CCL24: variants seen among roughly 807,000 people sequenced by gnomAD.
CCL24 encodes C-C motif chemokine ligand 24.
CCL24 carries 6 observed loss-of-function variants against 8.6 expected under a neutral mutation model. The observed-to-expected ratio is 0.70, with a 90% CI of 0.38 to 1.38. The LOEUF (loss-of-function observed/expected upper bound fraction) is 1.38, where lower values mean the gene tolerates loss of function less well. Ranked by LOEUF, CCL24 falls within the 40% of genes most tolerant of loss-of-function variation. The probability of loss-of-function intolerance (pLI) is 0.02; values close to 1 mark genes in which losing one functional copy is unlikely to be tolerated. For synonymous variants in CCL24, 59 were observed against 52.7 expected, an observed-to-expected ratio of 1.12 and a Z score of -0.52; for missense variants, 126 against 147.1, an observed-to-expected ratio of 0.86 and a Z score of 0.74.
At chr7:75,818,491 A>G (rs1412677865), upstream of CCL24, among the ~76,000 whole-genome samples, 2 of 151,626 alleles carry the variant, frequency 1.3e-5, no homozygotes, top group Non-Finnish European at 2.9e-5. Flanking sequence ...TAAAAAGAGA[A>G]AGAGCCAGGT....
At chr7:75,816,911 C>T (rs570930663), upstream of CCL24, among the ~76,000 whole-genome samples, 1 of 151,760 alleles carries the variant, frequency 6.6e-6, no homozygotes, top group South Asian at 2.1e-4. Context: ...GTTGCCCAGG[C>T]TGGAGTGCAG....
At chr7:75,818,320 ACCTGTAGTC>A, upstream of CCL24, among the ~76,000 whole-genome samples, 1 of 151,680 alleles carries the variant, frequency 6.6e-6, no homozygotes, top group South Asian at 2.1e-4. Context: ...GGTGGCACGC[ACCTGTAGTC>A]CCAGCTACTC....
chr7:75,823,216 G>A (rs1180676939), intron 1 of CCL24: 1 of 152,744 alleles, frequency 6.5e-6, no homozygotes, highest in Non-Finnish European at 1.5e-5. Flanking sequence ...GCTAGACTCA[G>A]GCATGCAGAC....
At chr7:75,818,650 CA>C (rs1333441004), upstream of CCL24, among the ~76,000 whole-genome samples, 2 of 137,108 alleles carry the variant, frequency 1.5e-5, no homozygotes, top group Admixed American at 1.7e-4. Context: ...AAGAGGGAAG[CA>C]GTAGAAGTGG....
upstream of CCL24, among the ~76,000 whole-genome samples, chr7:75,815,476 T>TA (rs148341163): frequency 4.6e-4 from 68 of 148,372 alleles, 1 homozygote; most frequent in African/African-American, 4.5e-4. Context: ...ACCCCGTCTT[T>TA]AAAAAAAAAA....
At chr7:75,816,113 G>A (rs559584868), upstream of CCL24, among the ~76,000 whole-genome samples, 4 of 152,176 alleles carry the variant, frequency 2.6e-5, no homozygotes, top group East Asian at 7.7e-4. Context: ...TGACCTGAAC[G>A]CCTTGAGATA....
chr7:75,813,495 C>T, intron 1 of CCL24, 72 bp from the exon 2 acceptor site: 3 of 1,312,406 alleles, frequency 2.3e-6, no homozygotes, highest in Non-Finnish European at 3.3e-6. Context: ...AGAGCTGGAG[C>T]TTGAACCCTG....
At chr7:75,812,056 C>CAGT in intron 2 of CCL24, 92 bp from the exon 3 acceptor site, 1 of 1,036,428 alleles carries the variant, frequency 9.6e-7, no homozygotes, top group Non-Finnish European at 1.4e-6. Flanking sequence ...CGCCCAGAGA[C>CAGT]AGTAAGGCTT....
Position 75,813,779 on chromosome 7 carries a change from G to A in CCL24, c.-64C>T. On this transcript the variant is annotated 5_prime_UTR_variant, in exon 1 of 3. Coordinates refer to ENST00000222902, the MANE Select transcript of CCL24 (RefSeq NM_002991.3). ...TGACGTGCAGGAGGAAAGGACCTAG[G>A]GATAAATAGCTCGGGTCCTTGCAGA... The A allele has an allele frequency of 1.5e-6, 2 of 1,344,732 alleles. No individual in the cohort carries two copies. The highest frequency in any genetic ancestry group is 2.1e-6 in the Non-Finnish European group (2 of 936,108). 83.3% of individuals were successfully genotyped at this position (1,344,732 alleles called of 1,614,324 possible).
rs573950931 is a variant in CCL24 at position 75,820,508 on chromosome 7, C to G, written c.-60+2814G>C. ...GCACATGCAAGTCTTCACCATCTAG[C>G]AGGAACCAGACCCTTAAGCTAGAGG... On this transcript the variant is annotated intron_variant, in intron 1 of 3. Coordinates refer to the CCL24 transcript ENST00000416943. Among the ~76,000 whole-genome samples the G allele has an allele frequency of 2.0e-5, 3 of 152,274 alleles. No homozygotes were observed. In the South Asian group the frequency reaches 6.2e-4, roughly 32 times the overall value.
At chr7:75,821,621 G>C (rs998860748) in intron 1 of CCL24, among the ~76,000 whole-genome samples, 4 of 152,070 alleles carry the variant, frequency 2.6e-5, no homozygotes, top group Admixed American at 1.3e-4. Flanking sequence ...GGTAGGGAGA[G>C]GTCTGGATGT....
Position 75,821,794 on chromosome 7 carries a change from G to A in CCL24, c.-60+1528C>T, listed in dbSNP as rs543764819. Among the ~76,000 whole-genome samples, 204 of 151,926 alleles carry A rather than the reference G, an allele frequency of 1.3e-3. 1 individual carries two copies. The highest frequency in any genetic ancestry group is 4.2e-3 in the African/African-American group (176 of 41,516). ...ATACAAAAAATTAGCCGGGCGTAGT[G>A]GCGGGCGCCTGTAGTCCCAGCTACT... On this transcript the variant is annotated intron_variant, in intron 1 of 3. Coordinates refer to the CCL24 transcript ENST00000416943.
chr7:75,820,133 C>CTTCTTCTTCTTCTTCTTCTTCTTATT (rs1563354037), intron 1 of CCL24, among the ~76,000 whole-genome samples: 1 of 78,552 alleles, frequency 1.3e-5, no homozygotes, highest in Non-Finnish European at 2.7e-5. Context: ...TTCTTCTTCT[C>CTTCTTCTTCTTCTTCTTCTTCTTATT]CTCCTCCTCC....
upstream of CCL24, among the ~76,000 whole-genome samples, chr7:75,815,061 G>A (rs577651287): frequency 5.3e-5 from 8 of 152,184 alleles, no homozygotes; most frequent in South Asian, 2.1e-4. Flanking sequence ...ACCAGGGGCC[G>A]GGAGCGGTGG....
chr7:75,813,029 G>C (rs1803808135), intron 2 of CCL24, among the ~76,000 whole-genome samples: 2 of 151,902 alleles, frequency 1.3e-5, no homozygotes, highest in African/African-American at 4.8e-5. Flanking sequence ...CTTGAGCCCA[G>C]GAGGTTGAGG....
chr7:75,820,713 A>G (rs1209702722), intron 1 of CCL24, among the ~76,000 whole-genome samples: 1 of 138,682 alleles, frequency 7.2e-6, no homozygotes. Flanking sequence ...CCCTTCATCC[A>G]TCTACCCATC....
upstream of CCL24, among the ~76,000 whole-genome samples, chr7:75,817,502 T>C (rs1803917753): frequency 7.7e-6 from 1 of 130,064 alleles, no homozygotes; most frequent in African/African-American, 2.7e-5. Context: ...ACACAAAATA[T>C]CCAATTTTTT....
chr7:75,812,959 G>C (rs1554533614), intron 2 of CCL24, among the ~76,000 whole-genome samples: 1 of 150,958 alleles, frequency 6.6e-6, no homozygotes, highest in African/African-American at 2.4e-5. Flanking sequence ...TCCTGGCTGG[G>C]TGTGGTGGTT....
In CCL24 at chr7:75,813,389, G is replaced by C. The variant is rs1585027879; in HGVS notation, c.108C>G (p.Phe36Leu). Residue 36 changes from phenylalanine to leucine, a missense_variant, in exon 2 of 3, where the codon TTC becomes TTG. Phe to Leu is a conservative substitution (Grantham distance 22, BLOSUM62 0). Coordinates refer to ENST00000222902, the MANE Select transcript of CCL24 (RefSeq NM_002991.3). The stretch of plus-strand genomic sequence containing the variant: ...TCTCAGGAATTCTCTTGGAAACAAA[G>C]AACATGCAGCAGGGAGAGGGGATGA... ...SVVIPSPCCMFFVSKRIPENR... is the reference protein window; with the variant it reads ...SVVIPSPCCMLFVSKRIPENR... The C allele has an allele frequency of 2.5e-6, 4 of 1,613,530 alleles. No homozygotes were observed. The African/African-American group carries it at 5.3e-5, about 22-fold the overall frequency.
Sources: gnomAD v4.1 joint callset for allele counts (sites outside exome capture counted in the v4.1 genomes callset) on GRCh38, gnomAD v4.1.1 for gene constraint, MANE v1.5 for transcripts, NCBI Gene and HGNC (gene_info 2026-07-23, HGNC 2026-07-21) for gene names.